Variants in PTPRT observed in about 807,000 individuals in gnomAD.
The protein encoded by PTPRT is receptor-type tyrosine-protein phosphatase T.
A neutral mutation model predicts 176.8 loss-of-function variants in PTPRT; 56 were observed. That is an observed-to-expected ratio of 0.32 (90% CI 0.26 to 0.40). The LOEUF (loss-of-function observed/expected upper bound fraction) is 0.40. Among genes scored for constraint, PTPRT ranks in the 10% least tolerant of loss-of-function variants. The pLI, the probability that PTPRT is intolerant of heterozygous loss-of-function variation, is 1.00. For missense variants in PTPRT, 1,540 were observed against 1,908.2 expected (o/e 0.81, Z 3.60); for synonymous variants, 783 against 739.0 (o/e 1.06, Z -0.96).
intron 12 of PTPRT, among the ~76,000 whole-genome samples, chr20:42,287,006 A>G (rs1317737971): frequency 6.6e-6 from 1 of 151,982 alleles, no homozygotes; most frequent in Admixed American, 6.6e-5. Context: ...AATATCACTA[A>G]TCATCAGGGA....
chr20:42,308,404 T>G (rs6016742), intron 12 of PTPRT, among the ~76,000 whole-genome samples: 1 of 151,600 alleles, frequency 6.6e-6, no homozygotes, highest in Non-Finnish European at 1.5e-5. Context: ...AAGGCGGTCA[T>G]CAGCTGGGAC....
At chr20:42,045,202 C>T in the PTPRT span, among the ~76,000 whole-genome samples, 1 of 152,022 alleles carries the variant, frequency 6.6e-6, no homozygotes, top group Non-Finnish European at 1.5e-5. Flanking sequence ...AGGACATAGA[C>T]ACCTTTGGGA....
intron 1 of PTPRT, among the ~76,000 whole-genome samples, chr20:42,931,876 T>C (rs983716772): frequency 2.6e-5 from 4 of 152,140 alleles, no homozygotes; most frequent in Non-Finnish European, 4.4e-5. Context: ...CCTGGAATGA[T>C]AGAGTAAAGG....
At chr20:42,632,329 C>T (rs2074426951) in intron 7 of PTPRT, among the ~76,000 whole-genome samples, 1 of 152,164 alleles carries the variant, frequency 6.6e-6, no homozygotes, top group African/African-American at 2.4e-5. Context: ...ATCTCTGCCT[C>T]CTGCATTCCA....
At chr20:42,459,727 G>A (rs985519278) in intron 8 of PTPRT, among the ~76,000 whole-genome samples, 4 of 152,110 alleles carry the variant, frequency 2.6e-5, no homozygotes, top group Non-Finnish European at 5.9e-5. Flanking sequence ...GTCTTGCTCT[G>A]TCACCCAGCC....
chr20:42,892,493 A>C (rs1194675307), intron 1 of PTPRT, among the ~76,000 whole-genome samples: 1 of 152,212 alleles, frequency 6.6e-6, no homozygotes, highest in African/African-American at 2.4e-5. Flanking sequence ...TAAGTAAAAA[A>C]AAAAAAAAGA....
At chr20:42,932,851 A>G (rs768059315) in intron 1 of PTPRT, among the ~76,000 whole-genome samples, 9 of 152,226 alleles carry the variant, frequency 5.9e-5, no homozygotes, top group Admixed American at 5.9e-4. Flanking sequence ...GGATGCTATT[A>G]ATACAAAGAG....
intron 7 of PTPRT, among the ~76,000 whole-genome samples, chr20:42,672,208 A>G (rs971399652): frequency 2.0e-5 from 3 of 152,190 alleles, no homozygotes; most frequent in Admixed American, 6.5e-5. Context: ...CCCACCCTCA[A>G]TCTGGGTGAA....
chr20:42,623,934 G>A (rs948138870), intron 7 of PTPRT, among the ~76,000 whole-genome samples: 22 of 150,990 alleles, frequency 1.5e-4, no homozygotes, highest in Admixed American at 2.6e-4. Flanking sequence ...CTGTCTAGGA[G>A]CTCTGCAATA....
At position 42,536,244 on chromosome 20, in the gene PTPRT, G is replaced by A. The variant is rs147020386; in HGVS notation, c.1154-63682C>T. The stretch of plus-strand genomic sequence containing the variant: ...TTCAAAAGAGCACCTAACATTTCTC[G>A]AAAGCTGCCTATGCCCTATACATTA... On this transcript the variant is annotated intron_variant, in intron 7 of 30. Transcript: ENST00000373187. 7.4e-3 allele frequency among the ~76,000 whole-genome samples: 1,123 copies of A among 152,182 alleles called. 13 individuals carry two copies. The highest frequency in any genetic ancestry group is 0.012 in the Non-Finnish European group (792 of 67,988).
chr20:42,434,725 G>T (rs1413256961), intron 9 of PTPRT, among the ~76,000 whole-genome samples: 1 of 151,638 alleles, frequency 6.6e-6, no homozygotes, highest in South Asian at 2.1e-4. Context: ...ACTTTGGGAG[G>T]CTGAGGCATG....
intron 11 of PTPRT, among the ~76,000 whole-genome samples, chr20:42,347,382 C>G (rs1226761637): frequency 6.6e-6 from 1 of 152,196 alleles, no homozygotes; most frequent in East Asian, 1.9e-4. Flanking sequence ...GCACACTGCT[C>G]TGCTTTCCTG....
chr20:42,597,923 A>C (rs1253467997), intron 7 of PTPRT, among the ~76,000 whole-genome samples: 1 of 152,168 alleles, frequency 6.6e-6, no homozygotes, highest in Non-Finnish European at 1.5e-5. Flanking sequence ...CCAAAACTTA[A>C]AATGTTTACA....
chr20:43,105,855 T>C (rs1203719640), intron 1 of PTPRT, among the ~76,000 whole-genome samples: 2 of 152,144 alleles, frequency 1.3e-5, no homozygotes, highest in East Asian at 3.9e-4. Context: ...CCCTTCTCCT[T>C]TGACTCTTGG....
intron 17 of PTPRT, among the ~76,000 whole-genome samples, chr20:42,159,207 T>TC (rs1989482462): frequency 6.6e-6 from 1 of 151,450 alleles, no homozygotes; most frequent in Non-Finnish European, 1.5e-5. Context: ...TTTCTTTCTT[T>TC]TTTTTTTTTC....
chr20:42,294,797 A>T (rs1160041473), intron 12 of PTPRT, among the ~76,000 whole-genome samples: 1 of 152,110 alleles, frequency 6.6e-6, no homozygotes, highest in Non-Finnish European at 1.5e-5. Context: ...AGGAAAAAAT[A>T]AAAAGAAAGT....
intron 7 of PTPRT, among the ~76,000 whole-genome samples, chr20:42,652,299 G>A (rs929761531): frequency 1.2e-4 from 18 of 152,222 alleles, no homozygotes; most frequent in Middle Eastern, 3.4e-3. Flanking sequence ...CTTAGACCAC[G>A]TAGCCCTTCA....
intron 7 of PTPRT, among the ~76,000 whole-genome samples, chr20:42,495,584 A>G (rs2071639082): frequency 6.6e-6 from 1 of 152,194 alleles, no homozygotes; most frequent in South Asian, 2.1e-4. Flanking sequence ...TTTCTGATAA[A>G]TATGTGCAAA....
intron 7 of PTPRT, among the ~76,000 whole-genome samples, chr20:42,525,356 C>A (rs1366143926): frequency 6.6e-6 from 1 of 152,132 alleles, no homozygotes; most frequent in Admixed American, 6.5e-5. Flanking sequence ...TATATGATTT[C>A]AAGTACATAA....
Sources: gnomAD v4.1 joint callset for allele counts (sites outside exome capture counted in the v4.1 genomes callset) on GRCh38, gnomAD v4.1.1 for gene constraint, MANE v1.5 for transcripts, NCBI Gene and HGNC (gene_info 2026-07-23, HGNC 2026-07-21) for gene names.